Variants in KLF12 observed in about 807,000 individuals in gnomAD.
The protein encoded by KLF12 is Krueppel-like factor 12.
In KLF12, 9 loss-of-function variants were observed where a neutral mutation model predicts 37.8. The observed-to-expected ratio is 0.24, with a 90% CI of 0.14 to 0.42. The LOEUF (loss-of-function observed/expected upper bound fraction) is 0.42. Among genes scored for constraint, KLF12 ranks in the 10% least tolerant of loss-of-function variants. The probability of loss-of-function intolerance (pLI) is 1.00; values close to 1 mark genes in which losing one functional copy is unlikely to be tolerated. For synonymous variants in KLF12, 208 were observed against 202.1 expected (o/e 1.03, Z -0.25); for missense variants, 411 against 516.0 (o/e 0.80, Z 1.97).
chr13:74,234,894 G>A, the KLF12 span, among the ~76,000 whole-genome samples: 1 of 152,124 alleles, frequency 6.6e-6, no homozygotes, highest in African/African-American at 2.4e-5. Flanking sequence ...TTTACTGTAT[G>A]TAATGATAGA....
intron 4 of KLF12, among the ~76,000 whole-genome samples, chr13:73,834,921 G>A (rs1044207201): frequency 2.6e-5 from 4 of 152,216 alleles, no homozygotes; most frequent in South Asian, 4.1e-4. Flanking sequence ...CCATATATAC[G>A]CTTCCATTTA....
chr13:74,123,890 TCTC>T (rs1374086444), intron 1 of KLF12, among the ~76,000 whole-genome samples: 1 of 152,208 alleles, frequency 6.6e-6, no homozygotes, highest in Non-Finnish European at 1.5e-5. Context: ...ACTTTTACCT[TCTC>T]CTGATTTTAG....
At chr13:73,796,858 A>G (rs992560426) in intron 5 of KLF12, among the ~76,000 whole-genome samples, 2 of 152,200 alleles carry the variant, frequency 1.3e-5, no homozygotes, top group African/African-American at 4.8e-5. Flanking sequence ...ATACCCACAC[A>G]ATGGAATACT....
intron 2 of KLF12, among the ~76,000 whole-genome samples, chr13:73,949,751 G>A (rs770921380): frequency 1.3e-5 from 2 of 152,090 alleles, no homozygotes; most frequent in Non-Finnish European, 2.9e-5. Context: ...CAGTTTCATA[G>A]AGGGCATATA....
At chr13:73,711,879 C>G (rs896042971) in intron 7 of KLF12, among the ~76,000 whole-genome samples, 1 of 152,092 alleles carries the variant, frequency 6.6e-6, no homozygotes, top group Non-Finnish European at 1.5e-5. Flanking sequence ...AGAGGATTCA[C>G]CATTCTAGAT....
chr13:73,894,865 C>T (rs1056855223), intron 3 of KLF12, among the ~76,000 whole-genome samples: 1 of 152,096 alleles, frequency 6.6e-6, no homozygotes, highest in African/African-American at 2.4e-5. Context: ...TAAGGAATAG[C>T]TGTTGAATTT....
At chr13:74,219,599 A>T in the KLF12 span, among the ~76,000 whole-genome samples, 5 of 152,202 alleles carry the variant, frequency 3.3e-5, no homozygotes, top group East Asian at 5.8e-4. Context: ...ACACTAAAAA[A>T]TTTTTTTAGA....
At chr13:73,738,618 T>G (rs753311505) in intron 6 of KLF12, among the ~76,000 whole-genome samples, 2 of 152,088 alleles carry the variant, frequency 1.3e-5, no homozygotes, top group Non-Finnish European at 2.9e-5. Flanking sequence ...AAAACCCAAA[T>G]ATGAGTGACT....
At chr13:73,842,668 A>G (rs1054994097) in intron 4 of KLF12, among the ~76,000 whole-genome samples, 2 of 152,216 alleles carry the variant, frequency 1.3e-5, no homozygotes, top group Non-Finnish European at 2.9e-5. Flanking sequence ...AATCATCTAC[A>G]TTTATGCATT....
the KLF12 span, among the ~76,000 whole-genome samples, chr13:74,183,492 T>C: frequency 6.6e-6 from 1 of 152,286 alleles, no homozygotes; most frequent in African/African-American, 2.4e-5. Context: ...GAAAACACTT[T>C]AATGTTCTTG....
rs370006521 is a variant in KLF12, at chr13:73,695,707, C to T, written c.1028-36G>A. 5.9e-5 allele frequency: 94 copies of T among 1,595,546 alleles called. 1 individual carries two copies. Among genetic ancestry groups the T allele is most frequent in the Non-Finnish European group, 7.8e-5 (91 of 1,165,126 alleles). On this transcript the variant is annotated intron_variant, in intron 7 of 7. Transcript: ENST00000377669. ...CAAAGGAACACAAGCTTTGGTGCTC[C>T]ATCCATCACTTTGCCATAACCAGGC...
intron 5 of KLF12, among the ~76,000 whole-genome samples, chr13:73,768,099 C>T (rs1566354516): frequency 6.6e-6 from 1 of 152,168 alleles, no homozygotes; most frequent in Non-Finnish European, 1.5e-5. Flanking sequence ...AATTGTGTGA[C>T]CAGCCTGCCT....
intron 5 of KLF12, among the ~76,000 whole-genome samples, chr13:73,768,211 A>G (rs528871939): frequency 7.9e-5 from 12 of 152,278 alleles, no homozygotes; most frequent in Admixed American, 7.2e-4. Context: ...TGGAGGTAAT[A>G]ATGGGGCCTA....
chr13:74,130,524 G>A (rs985135435), intron 1 of KLF12, among the ~76,000 whole-genome samples: 3 of 152,080 alleles, frequency 2.0e-5, no homozygotes, highest in African/African-American at 7.2e-5. Flanking sequence ...GGGTGTGGCA[G>A]TGTGCACCTG....
At chr13:73,971,542 AC>A (rs1356415376) in intron 2 of KLF12, among the ~76,000 whole-genome samples, 1 of 152,192 alleles carries the variant, frequency 6.6e-6, no homozygotes, top group African/African-American at 2.4e-5. Context: ...AAGGTACTAA[AC>A]CATCAACTAT....
the KLF12 span, among the ~76,000 whole-genome samples, chr13:74,227,588 T>A: frequency 6.6e-6 from 1 of 152,158 alleles, no homozygotes; most frequent in Admixed American, 6.6e-5. Flanking sequence ...GGCTCCTTGC[T>A]TAAAGGTTTA....
chr13:74,006,534 C>T (rs9318240), intron 1 of KLF12, among the ~76,000 whole-genome samples: 131,691 of 152,192 alleles, frequency 0.87, 57,244 homozygotes, highest in Non-Finnish European at 0.91. Flanking sequence ...TCTTATTGTA[C>T]GTCTGGAATT....
intron 1 of KLF12, among the ~76,000 whole-genome samples, chr13:74,048,428 T>C (rs1307810490): frequency 6.6e-6 from 1 of 152,078 alleles, no homozygotes; most frequent in East Asian, 1.9e-4. Flanking sequence ...AGGACTGTTT[T>C]TTTTTTCCCA....
At chr13:73,972,164 C>G (rs527384381) in intron 2 of KLF12, among the ~76,000 whole-genome samples, 1 of 152,230 alleles carries the variant, frequency 6.6e-6, no homozygotes, top group East Asian at 1.9e-4. Flanking sequence ...TGTAAAATCA[C>G]AGCAACATGT....
Sources: allele counts gnomAD v4.1 joint callset (sites outside exome capture counted in the v4.1 genomes callset), GRCh38; gene constraint gnomAD v4.1.1; transcripts MANE v1.5; gene names NCBI Gene and HGNC (gene_info 2026-07-23, HGNC 2026-07-21).